The following NR6A1 variants were observed in gnomAD, a reference collection of about 807,000 sequenced individuals.
The protein encoded by NR6A1 is nuclear receptor subfamily 6 group A member 1, also known as retinoic acid receptor-related testis-associated receptor.
A neutral mutation model predicts 59.1 loss-of-function variants in NR6A1; 7 were observed. The observed-to-expected ratio is 0.12, with a 90% CI of 0.07 to 0.22. The LOEUF is 0.22. NR6A1 is among the 10% of genes least tolerant of loss of function. The probability of loss-of-function intolerance (pLI) is 1.00; values close to 1 mark genes in which losing one functional copy is unlikely to be tolerated. For synonymous variants in NR6A1, 243 were observed against 236.1 expected (o/e 1.03, Z -0.27); for missense variants, 468 against 611.6 (o/e 0.77, Z 2.48).
At chr9:124,564,362 A>T (rs1834171787) in intron 2 of NR6A1, among the ~76,000 whole-genome samples, 1 of 152,232 alleles carries the variant, frequency 6.6e-6, no homozygotes, top group Non-Finnish European at 1.5e-5. Flanking sequence ...CACTGTAGGG[A>T]AGGTCCCAGC....
rs570675306 is a variant in NR6A1 at position 124,719,308 on chromosome 9, A to C, written c.142+14000T>G. 2.4e-4 allele frequency among the ~76,000 whole-genome samples: 37 copies of C among 152,226 alleles called. 1 individual carries two copies. Among genetic ancestry groups the C allele is most frequent in the Middle Eastern group, 3.4e-3 (1 of 294 alleles). On this transcript the variant is annotated intron_variant, in intron 2 of 9. Transcript: ENST00000487099. The stretch of plus-strand genomic sequence containing the variant: ...TGCCATGTTGCCCAGGCTGGTCTCA[A>C]ACACCTGAGCTCAAGGGATCCACAA...
At chr9:124,530,140 C>T (rs1246646548) in intron 7 of NR6A1, among the ~76,000 whole-genome samples, 1 of 152,196 alleles carries the variant, frequency 6.6e-6, no homozygotes, top group Admixed American at 6.5e-5. Flanking sequence ...GACTCTTGAC[C>T]TGAGGGACAC....
intron 2 of NR6A1, among the ~76,000 whole-genome samples, chr9:124,646,647 AC>A (rs1836938631): frequency 6.6e-6 from 1 of 152,236 alleles, no homozygotes; most frequent in African/African-American, 2.4e-5. Flanking sequence ...ACTAACACTA[AC>A]ACTAACAATA....
At chr9:124,651,855 C>T (rs534819241) in intron 2 of NR6A1, among the ~76,000 whole-genome samples, 1 of 152,298 alleles carries the variant, frequency 6.6e-6, no homozygotes, top group East Asian at 1.9e-4. Context: ...CACCCCAATC[C>T]TACCCACACA....
chr9:124,553,923 T>C (rs932215140), intron 3 of NR6A1, among the ~76,000 whole-genome samples: 8 of 152,168 alleles, frequency 5.3e-5, no homozygotes, highest in Non-Finnish European at 8.8e-5. Context: ...CACAGACTTC[T>C]GAGCATGCCT....
rs144242426 is a variant in NR6A1, at chr9:124,609,494, C to T, written c.143-54924G>A. Among the ~76,000 whole-genome samples, 1,433 of 152,300 alleles carry T rather than the reference C, an allele frequency of 9.4e-3. 9 individuals are homozygous for T. The highest frequency in any genetic ancestry group is 0.016 in the Non-Finnish European group (1,089 of 68,026). On this transcript the variant is annotated intron_variant, in intron 2 of 9. Transcript: ENST00000487099. ...TGTCTGTTTTTGTACCAGTACCATG[C>T]TGTTTTGCTTACTGTGGCCTTATAG... is the stretch of plus-strand genomic sequence containing the variant.
chr9:124,657,937 G>A (rs1445809322), intron 2 of NR6A1, among the ~76,000 whole-genome samples: 2 of 152,250 alleles, frequency 1.3e-5, no homozygotes, highest in African/African-American at 4.8e-5. Context: ...AGTCAAATAT[G>A]CCACTTTTAT....
chr9:124,535,995 C>T lies in NR6A1; in HGVS notation c.962G>A (p.Ser321Asn). The T allele has an allele frequency of 6.2e-7, 1 of 1,614,182 alleles. No homozygotes were observed. The highest frequency in any genetic ancestry group is 8.5e-7 in the Non-Finnish European group (1 of 1,180,040). ...LSIKDYTCLL[S>N]STWQELILLS... ...CAGGATTAGCTCCTGCCACGTAGAG[C>T]TCAAGAGGCACGTGTAATCCTTGAT... Residue 321 changes from serine to asparagine, a missense_variant, in exon 7 of 10, where the codon AGC becomes AAC. Transcript: ENST00000487099.
At chr9:124,535,043 G>A (rs1833214657) in intron 7 of NR6A1, among the ~76,000 whole-genome samples, 2 of 152,072 alleles carry the variant, frequency 1.3e-5, no homozygotes. Context: ...GGAATGGCAT[G>A]AAACCGGGAG....
chr9:124,764,648 T>C (rs1840881759), intron 1 of NR6A1, among the ~76,000 whole-genome samples: 1 of 152,234 alleles, frequency 6.6e-6, no homozygotes, highest in Non-Finnish European at 1.5e-5. Context: ...ATGCAAATAG[T>C]TGTTCAAGCA....
intron 2 of NR6A1, among the ~76,000 whole-genome samples, chr9:124,555,409 A>G (rs1833894310): frequency 6.6e-6 from 1 of 152,202 alleles, no homozygotes; most frequent in Admixed American, 6.5e-5. Context: ...AAGAAATCAG[A>G]TATTTCAACC....
intron 2 of NR6A1, among the ~76,000 whole-genome samples, chr9:124,652,686 C>T (rs1011101921): frequency 6.6e-6 from 1 of 152,172 alleles, no homozygotes; most frequent in Admixed American, 6.5e-5. Flanking sequence ...ACTCTAGATA[C>T]AGCCCTTCCC....
chr9:124,616,743 GT>G (rs1564203083), intron 2 of NR6A1, among the ~76,000 whole-genome samples: 2 of 152,120 alleles, frequency 1.3e-5, no homozygotes, highest in African/African-American at 4.8e-5. Flanking sequence ...ATTAGAATGA[GT>G]AACAGTGAAA....
intron 2 of NR6A1, among the ~76,000 whole-genome samples, chr9:124,578,977 G>T (rs1432934959): frequency 6.6e-6 from 1 of 152,160 alleles, no homozygotes; most frequent in Non-Finnish European, 1.5e-5. Context: ...ATCCCACAAG[G>T]TGCTATAGAA....
At chr9:124,612,384 C>A (rs1588709117) in intron 2 of NR6A1, among the ~76,000 whole-genome samples, 2 of 152,194 alleles carry the variant, frequency 1.3e-5, no homozygotes, top group African/African-American at 2.4e-5. Context: ...GAGAAAAAAA[C>A]AGTTCCAGGA....
At chr9:124,560,674 C>A (rs1460472199) in intron 2 of NR6A1, among the ~76,000 whole-genome samples, 1 of 152,160 alleles carries the variant, frequency 6.6e-6, no homozygotes, top group African/African-American at 2.4e-5. Context: ...GATTCTCCTG[C>A]CTCAGCCTCC....
intron 2 of NR6A1, among the ~76,000 whole-genome samples, chr9:124,679,894 C>A (rs1457053727): frequency 4.1e-5 from 6 of 145,876 alleles, no homozygotes; most frequent in Non-Finnish European, 9.0e-5. Flanking sequence ...GAGGTTCCAT[C>A]TCAAAGAGAA....
intron 4 of NR6A1, among the ~76,000 whole-genome samples, chr9:124,542,159 A>G (rs1177517671): frequency 1.3e-5 from 2 of 152,236 alleles, no homozygotes; most frequent in African/African-American, 2.4e-5. Context: ...CAAAAGGTAG[A>G]TTTCATGTTA....
intron 2 of NR6A1, among the ~76,000 whole-genome samples, chr9:124,587,699 A>G (rs902556048): frequency 6.6e-6 from 1 of 152,230 alleles, no homozygotes; most frequent in Non-Finnish European, 1.5e-5. Context: ...CTTCTTCCAC[A>G]TGTAACAATG....
Sources: allele counts gnomAD v4.1 joint callset (sites outside exome capture counted in the v4.1 genomes callset), GRCh38; gene constraint gnomAD v4.1.1; transcripts MANE v1.5; gene names NCBI Gene and HGNC (gene_info 2026-07-23, HGNC 2026-07-21).